The following ANKRD44 variants were observed in gnomAD, a reference collection of about 807,000 sequenced individuals.
ANKRD44 encodes serine/threonine-protein phosphatase 6 regulatory ankyrin repeat subunit B.
A neutral mutation model predicts 116.0 loss-of-function variants in ANKRD44; 35 were observed. The observed-to-expected ratio is 0.30, with a 90% CI of 0.23 to 0.40. The LOEUF (loss-of-function observed/expected upper bound fraction) is 0.40. Among genes scored for constraint, ANKRD44 ranks in the 10% least tolerant of loss-of-function variants. The probability of loss-of-function intolerance (pLI) is 1.00; values close to 1 mark genes in which losing one functional copy is unlikely to be tolerated. For missense variants in ANKRD44, 1,014 were observed against 1,242.6 expected, an observed-to-expected ratio of 0.82 and a Z score of 2.77; for synonymous variants, 435 against 461.8, an observed-to-expected ratio of 0.94 and a Z score of 0.74.
At position 197,219,634 on chromosome 2, in the gene ANKRD44, A is replaced by G. The variant is rs1381808190; in HGVS notation, c.28-32528T>C. Among the ~76,000 whole-genome samples the G allele has an allele frequency of 2.0e-5, 3 of 152,248 alleles. No individual in the cohort carries two copies. In the East Asian group the frequency reaches 5.8e-4, roughly 29 times the overall value. The stretch of plus-strand genomic sequence containing the variant: ...AAATAAAGCAAAATTTTCTGGCACC[A>G]TGAAAGCAGACGGGACCCCAATGAA... On this transcript the variant is annotated intron_variant, in intron 1 of 27. Coordinates refer to ENST00000282272, the MANE Select transcript of ANKRD44 (RefSeq NM_001195144.2).
chr2:197,262,851 G>A (rs1458317056), intron 1 of ANKRD44, among the ~76,000 whole-genome samples: 1 of 151,480 alleles, frequency 6.6e-6, no homozygotes, highest in Non-Finnish European at 1.5e-5. Flanking sequence ...GTTGCAGTAA[G>A]CCGAGATCAC....
In ANKRD44 at chr2:197,048,435, C is replaced by T. The variant is rs145309582; in HGVS notation, c.1651-23168G>A. ...ATTCCCACCTATGAGTGAGAACATG[C>T]GGTGTTTGGTTTTCTGTCCTTGCAA... On this transcript the variant is annotated intron_variant, in intron 16 of 27. Transcript: ENST00000282272. 2.7e-3 allele frequency among the ~76,000 whole-genome samples: 406 copies of T among 152,200 alleles called. 1 individual carries two copies. The highest frequency in any genetic ancestry group is 0.016 in the South Asian group (75 of 4,818).
chr2:197,004,253 A>G (rs1010572631), intron 21 of ANKRD44, among the ~76,000 whole-genome samples: 2 of 152,182 alleles, frequency 1.3e-5, no homozygotes, highest in African/African-American at 4.8e-5. Context: ...TATTCAATAC[A>G]TATTTGTTGA....
At chr2:197,214,502 T>C (rs1296245890) in intron 1 of ANKRD44, among the ~76,000 whole-genome samples, 3 of 152,142 alleles carry the variant, frequency 2.0e-5, no homozygotes, top group Non-Finnish European at 4.4e-5. Flanking sequence ...CATACATACA[T>C]AAAGAGGAAG....
Position 197,089,987 on chromosome 2 carries a change from A to G in ANKRD44, c.1146T>C (p.Asn382=). 1 of 1,614,138 alleles carries G rather than the reference A, an allele frequency of 6.2e-7. No individual in the cohort carries two copies. The highest frequency in any genetic ancestry group is 2.2e-5 in the East Asian group (1 of 44,874). The change falls in exon 11 of 28, where the codon AAT becomes AAC. Residue 382 remains asparagine (N), a synonymous_variant. Coordinates refer to ENST00000282272, the MANE Select transcript of ANKRD44 (RefSeq NM_001195144.2). ...SMFPLHLAAL[N]AHSDCCRKLL... is the part of the protein sequence containing the mutation. ...ACTTTCTGCAGCAGTCAGAGTGAGCATTTAGGGCAGCTAAATGTAAAGGGA... is the reference window on the plus strand; with the variant it reads ...ACTTTCTGCAGCAGTCAGAGTGAGCGTTTAGGGCAGCTAAATGTAAAGGGA...
At chr2:197,213,893 GGCAATACTACA>G (rs1400544743) in intron 1 of ANKRD44, among the ~76,000 whole-genome samples, 1 of 152,126 alleles carries the variant, frequency 6.6e-6, no homozygotes, top group Non-Finnish European at 1.5e-5. Context: ...TATGTATCTT[GGCAATACTACA>G]GCACCTTTAA....
At chr2:197,303,363 T>C (rs1286524740) in intron 1 of ANKRD44, among the ~76,000 whole-genome samples, 1 of 152,216 alleles carries the variant, frequency 6.6e-6, no homozygotes, top group South Asian at 2.1e-4. Flanking sequence ...AGGCCAGGAC[T>C]TACCCCAAAC....
rs147805245 is a variant in ANKRD44, at chr2:197,246,074, A to T, written c.28-58968T>A. Among the ~76,000 whole-genome samples the T allele has an allele frequency of 5.4e-3, 817 of 152,348 alleles. 11 individuals carry two copies. The highest frequency in any genetic ancestry group is 0.018 in the African/African-American group (760 of 41,584). On this transcript the variant is annotated intron_variant, in intron 1 of 27. Transcript: ENST00000282272. Reference sequence around the variant, plus strand: ...GGCCACATGAGTCCTGATGAAGACCAGGCTTTGAAGAATGAAATGTAAGGA... The same window carrying T: ...GGCCACATGAGTCCTGATGAAGACCTGGCTTTGAAGAATGAAATGTAAGGA...
chr2:196,994,094 T>C (rs1345783723), intron 26 of ANKRD44, among the ~76,000 whole-genome samples: 5 of 152,254 alleles, frequency 3.3e-5, no homozygotes, highest in African/African-American at 1.2e-4. Flanking sequence ...TCCTTGTTAC[T>C]ACTAAATGCA....
intron 1 of ANKRD44, among the ~76,000 whole-genome samples, chr2:197,222,547 C>T (rs1450527702): frequency 6.6e-6 from 1 of 152,106 alleles, no homozygotes; most frequent in African/African-American, 2.4e-5. Context: ...TCTGTTTTCC[C>T]CTTGTTGGTT....
At chr2:197,107,846 T>C (rs2078469545) in intron 9 of ANKRD44, among the ~76,000 whole-genome samples, 1 of 152,168 alleles carries the variant, frequency 6.6e-6, no homozygotes. Flanking sequence ...CCCAAGATTC[T>C]TCCCAGAAGG....
chr2:197,247,258 TTCA>T (rs2082213451), intron 1 of ANKRD44, among the ~76,000 whole-genome samples: 2 of 152,204 alleles, frequency 1.3e-5, no homozygotes, highest in Non-Finnish European at 2.9e-5. Flanking sequence ...AGGTTAATTA[TTCA>T]TCTGCTCACT....
chr2:196,967,871 G>C (rs1457052402), intron 21 of ANKRD44, among the ~76,000 whole-genome samples: 1 of 151,508 alleles, frequency 6.6e-6, no homozygotes, highest in African/African-American at 2.4e-5. Flanking sequence ...GGTGGGGTGG[G>C]AGGTGTCTGG....
intron 1 of ANKRD44, among the ~76,000 whole-genome samples, chr2:197,188,443 G>A (rs2080740624): frequency 6.6e-6 from 1 of 152,170 alleles, no homozygotes; most frequent in Non-Finnish European, 1.5e-5. Flanking sequence ...GGTAAAAGAG[G>A]AACAGTGGCA....
intron 20 of ANKRD44, 81 bp downstream of exon 20, chr2:197,007,725 G>T: frequency 1.1e-6 from 1 of 903,066 alleles, no homozygotes; most frequent in Non-Finnish European, 1.8e-6. Flanking sequence ...ATCAAAGTAG[G>T]CCCTTTGTAA....
At chr2:197,244,694 A>T (rs2082154541) in intron 1 of ANKRD44, among the ~76,000 whole-genome samples, 1 of 152,240 alleles carries the variant, frequency 6.6e-6, no homozygotes, top group African/African-American at 2.4e-5. Flanking sequence ...ACCCTATCAA[A>T]TCTAACTAAT....
intron 1 of ANKRD44, among the ~76,000 whole-genome samples, chr2:197,215,093 C>G (rs1006576817): frequency 6.6e-6 from 1 of 152,166 alleles, no homozygotes; most frequent in African/African-American, 2.4e-5. Flanking sequence ...CCAGGCTGGT[C>G]TCGAACTCCT....
intron 1 of ANKRD44, among the ~76,000 whole-genome samples, chr2:197,214,803 C>A (rs1574289250): frequency 1.3e-5 from 2 of 152,318 alleles, no homozygotes; most frequent in South Asian, 4.1e-4. Context: ...GTCACATATG[C>A]CTGTTCCCAA....
chr2:197,005,681 A>C lies in ANKRD44; in HGVS notation c.2347+13T>G, dbSNP rs750593374. The C allele has an allele frequency of 8.7e-6, 14 of 1,612,888 alleles. No individual in the cohort carries two copies. Among genetic ancestry groups the C allele is most frequent in the Non-Finnish European group, 1.2e-5 (14 of 1,179,012 alleles). On this transcript the variant is annotated intron_variant, in intron 21 of 27. Transcript: ENST00000282272. Reference sequence around the variant, plus strand: ...GAAGTCTAGTGGAATCAGTCAAATGATAAGCAACTCACCATTGTAACAAGC... The same window carrying C: ...GAAGTCTAGTGGAATCAGTCAAATGCTAAGCAACTCACCATTGTAACAAGC...
Sources: allele counts gnomAD v4.1 joint callset (sites outside exome capture counted in the v4.1 genomes callset), GRCh38; gene constraint gnomAD v4.1.1; transcripts MANE v1.5; gene names NCBI Gene and HGNC (gene_info 2026-07-23, HGNC 2026-07-21).